Variants in GALNTL6 observed in about 807,000 individuals in gnomAD.
GALNTL6 encodes polypeptide N-acetylgalactosaminyltransferase like 6, also known as polypeptide N-acetylgalactosaminyltransferase-like 6.
In GALNTL6, 46 loss-of-function variants were observed where a neutral mutation model predicts 73.7. The observed-to-expected ratio is 0.62, with a 90% CI of 0.49 to 0.80. The LOEUF (loss-of-function observed/expected upper bound fraction) is 0.80, where lower values mean the gene tolerates loss of function less well. Among genes scored for constraint, GALNTL6 ranks in the 30% least tolerant of loss-of-function variants. GALNTL6 has a pLI of 0.00. For synonymous variants in GALNTL6, 259 were observed against 263.7 expected, an observed-to-expected ratio of 0.98 and a Z score of 0.17; for missense variants, 604 against 755.0, an observed-to-expected ratio of 0.80 and a Z score of 2.34.
At chr4:171,897,645 A>G (rs1423349275) in intron 2 of GALNTL6, among the ~76,000 whole-genome samples, 1 of 151,646 alleles carries the variant, frequency 6.6e-6, no homozygotes, top group Non-Finnish European at 1.5e-5. Flanking sequence ...AGATGGTGAA[A>G]CCCCTTTTCT....
intron 5 of GALNTL6, among the ~76,000 whole-genome samples, chr4:172,364,148 G>C (rs1215512589): frequency 6.6e-6 from 1 of 152,184 alleles, no homozygotes; most frequent in East Asian, 1.9e-4. Flanking sequence ...GACTGGGCAT[G>C]GTAGCTCATG....
At chr4:172,087,693 AT>A (rs1002612064) in intron 2 of GALNTL6, among the ~76,000 whole-genome samples, 1 of 151,148 alleles carries the variant, frequency 6.6e-6, no homozygotes, top group African/African-American at 2.4e-5. Flanking sequence ...TGTATACTTG[AT>A]TTTTTTTACA....
At chr4:172,576,908 A>G (rs138641864) in intron 5 of GALNTL6, among the ~76,000 whole-genome samples, 178 of 152,266 alleles carry the variant, frequency 1.2e-3, no homozygotes, top group African/African-American at 4.1e-3. Context: ...ATTCTCTGCC[A>G]TGGGGATACT....
intron 5 of GALNTL6, among the ~76,000 whole-genome samples, chr4:172,388,905 A>G (rs1449501793): frequency 6.6e-6 from 1 of 152,208 alleles, no homozygotes; most frequent in Non-Finnish European, 1.5e-5. Context: ...TTTAAAAATA[A>G]GCAACCAGAA....
At chr4:172,363,189 T>C (rs1415681315) in intron 5 of GALNTL6, among the ~76,000 whole-genome samples, 6 of 152,156 alleles carry the variant, frequency 3.9e-5, no homozygotes, top group African/African-American at 1.2e-4. Flanking sequence ...ACATGGCATA[T>C]ATTTATCACC....
intron 2 of GALNTL6, among the ~76,000 whole-genome samples, chr4:172,200,707 A>G (rs1174653045): frequency 2.0e-5 from 3 of 152,188 alleles, no homozygotes; most frequent in Non-Finnish European, 4.4e-5. Context: ...TACCTTATTT[A>G]TGTTTTTGTT....
At chr4:172,453,060 G>A (rs1004565293) in intron 5 of GALNTL6, among the ~76,000 whole-genome samples, 1 of 152,162 alleles carries the variant, frequency 6.6e-6, no homozygotes, top group Admixed American at 6.5e-5. Context: ...AACTACCTGG[G>A]CGTGGTGGTA....
intron 5 of GALNTL6, among the ~76,000 whole-genome samples, chr4:172,439,437 T>TA (rs752526378): frequency 2.0e-5 from 3 of 150,988 alleles, no homozygotes; most frequent in Non-Finnish European, 4.4e-5. Flanking sequence ...AAACTCTACT[T>TA]ACATTCGTCA....
chr4:172,181,255 A>G (rs1735232208), intron 2 of GALNTL6, among the ~76,000 whole-genome samples: 1 of 152,192 alleles, frequency 6.6e-6, no homozygotes, highest in Non-Finnish European at 1.5e-5. Context: ...CAGCACATCA[A>G]AAAGTATATC....
chr4:172,910,759 G>C (rs181451787), intron 8 of GALNTL6, among the ~76,000 whole-genome samples: 1 of 152,326 alleles, frequency 6.6e-6, no homozygotes, highest in East Asian at 1.9e-4. Context: ...TGAGCGATTT[G>C]TTGAATAGTG....
chr4:172,519,985 T>G (rs1257478454), intron 5 of GALNTL6, among the ~76,000 whole-genome samples: 1 of 151,918 alleles, frequency 6.6e-6, no homozygotes. Flanking sequence ...ATAATTATAG[T>G]GCAAACTCAT....
rs11935639 is a variant in GALNTL6, at chr4:172,123,299, T to A, written c.139-106357T>A. Among the ~76,000 whole-genome samples, 1,276 of 152,212 alleles carry A rather than the reference T, an allele frequency of 8.4e-3. 19 individuals are homozygous for A. The highest frequency in any genetic ancestry group is 0.029 in the African/African-American group (1,208 of 41,532). The stretch of plus-strand genomic sequence containing the variant: ...TATTAAACTTATACAAATAAACATA[T>A]TACCACAAGAATACCCACACATAGT... On this transcript the variant is annotated intron_variant, in intron 2 of 12. Coordinates refer to ENST00000506823, the MANE Select transcript of GALNTL6 (RefSeq NM_001034845.3).
At chr4:172,818,553 C>A (rs1017948545) in intron 7 of GALNTL6, among the ~76,000 whole-genome samples, 1 of 152,120 alleles carries the variant, frequency 6.6e-6, no homozygotes, top group African/African-American at 2.4e-5. Flanking sequence ...TTCCAAAATG[C>A]TTAAAATAAA....
intron 5 of GALNTL6, among the ~76,000 whole-genome samples, chr4:172,535,640 A>G (rs1284367798): frequency 6.6e-6 from 1 of 152,194 alleles, no homozygotes; most frequent in African/African-American, 2.4e-5. Flanking sequence ...TACACAATAC[A>G]CATTAAGATA....
At chr4:171,870,436 A>T (rs1377862249) in intron 2 of GALNTL6, among the ~76,000 whole-genome samples, 1 of 152,226 alleles carries the variant, frequency 6.6e-6, no homozygotes, top group Admixed American at 6.5e-5. Flanking sequence ...ACGTAGGACA[A>T]ACATAAGCTC....
In GALNTL6 at chr4:171,960,026, T is replaced by C. The variant is rs138323929; in HGVS notation, c.138+145308T>C. 5.7e-3 allele frequency among the ~76,000 whole-genome samples: 871 copies of C among 152,342 alleles called. 7 individuals carry two copies. Among genetic ancestry groups the C allele is most frequent in the African/African-American group, 0.02 (822 of 41,568 alleles). On this transcript the variant is annotated intron_variant, in intron 2 of 12. Coordinates refer to ENST00000506823, the MANE Select transcript of GALNTL6 (RefSeq NM_001034845.3). The stretch of plus-strand genomic sequence containing the variant: ...ATTTAGTTGTCTAATCACTTCTTAC[T>C]CTACTCATTATAGGTTTAACTAAAA...
chr4:172,795,654 CCCCTCAAGCATT>C (rs1193979618), intron 5 of GALNTL6, among the ~76,000 whole-genome samples: 1 of 152,074 alleles, frequency 6.6e-6, no homozygotes, highest in African/African-American at 2.4e-5. Flanking sequence ...GAGTATCCAT[CCCCTCAAGCATT>C]TATCCTTTGT....
intron 2 of GALNTL6, among the ~76,000 whole-genome samples, chr4:171,929,169 C>A (rs1738088213): frequency 6.6e-6 from 1 of 152,094 alleles, no homozygotes; most frequent in Admixed American, 6.6e-5. Context: ...CAGGCTCAAG[C>A]CATCCTCCCA....
At chr4:172,999,005 A>T (rs917494038) in intron 10 of GALNTL6, among the ~76,000 whole-genome samples, 1 of 134,052 alleles carries the variant, frequency 7.5e-6, no homozygotes, top group South Asian at 2.4e-4. Context: ...AAAAAAAAAA[A>T]CGTTGGCTGG....
Sources: gnomAD v4.1 joint callset for allele counts (sites outside exome capture counted in the v4.1 genomes callset) on GRCh38, gnomAD v4.1.1 for gene constraint, MANE v1.5 for transcripts, NCBI Gene and HGNC (gene_info 2026-07-23, HGNC 2026-07-21) for gene names.